The following SOX30 variants were observed in gnomAD, a reference collection of about 807,000 sequenced individuals.
SOX30 encodes transcription factor SOX-30.
In SOX30, 17 loss-of-function variants were observed where a neutral mutation model predicts 58.6. That is an observed-to-expected ratio of 0.29 (90% CI 0.20 to 0.44). SOX30 has a LOEUF of 0.44. Ranked by LOEUF, SOX30 falls within the 20% of genes least tolerant of loss-of-function variation. The probability of loss-of-function intolerance (pLI) is 1.00; values close to 1 mark genes in which losing one functional copy is unlikely to be tolerated. For missense variants in SOX30, 951 were observed against 965.8 expected (o/e 0.98, Z 0.20); for synonymous variants, 421 against 400.2 (o/e 1.05, Z -0.62).
At chr5:157,636,838 AAAGG>A (rs1758939449) in intron 4 of SOX30, among the ~76,000 whole-genome samples, 1 of 152,202 alleles carries the variant, frequency 6.6e-6, no homozygotes, top group Admixed American at 6.5e-5. Context: ...ATTGAAAAGT[AAAGG>A]CTAGGCCGGG....
intron 4 of SOX30, among the ~76,000 whole-genome samples, chr5:157,627,158 T>C (rs1227987914): frequency 6.6e-6 from 1 of 152,172 alleles, no homozygotes; most frequent in East Asian, 1.9e-4. Context: ...GGTCAAGAGA[T>C]AGAGATCATC....
At chr5:157,659,492 A>G (rs1032697410) in intron 2 of SOX30, among the ~76,000 whole-genome samples, 4 of 152,256 alleles carry the variant, frequency 2.6e-5, no homozygotes, top group Non-Finnish European at 5.9e-5. Context: ...TTCTGATTTC[A>G]GTTATCAAAA....
At chr5:157,648,990 T>G in intron 1 of SOX30, 94 bp from the exon 2 acceptor site, 1 of 1,455,408 alleles carries the variant, frequency 6.9e-7, no homozygotes, top group Non-Finnish European at 9.1e-7. Context: ...ATACTTATTT[T>G]TGAAATATCT....
chr5:157,645,134 G>T (rs372322960), intron 3 of SOX30, among the ~76,000 whole-genome samples: 12 of 152,166 alleles, frequency 7.9e-5, no homozygotes, highest in African/African-American at 2.9e-4. Context: ...TATAGGATCA[G>T]CTTTCTGCAT....
chr5:157,663,493 A>G (rs1207182280), intron 2 of SOX30, among the ~76,000 whole-genome samples: 2 of 152,236 alleles, frequency 1.3e-5, no homozygotes. Context: ...CACAGCCAAT[A>G]TCATACTGAA....
chr5:157,638,197 G>T (rs960311442), intron 4 of SOX30, 33 bp downstream of exon 4: 15 of 1,502,642 alleles, frequency 1.0e-5, no homozygotes, highest in Non-Finnish European at 1.3e-5. Flanking sequence ...TTAGCTGAAT[G>T]TTTAGGTAAA....
intron 3 of SOX30, among the ~76,000 whole-genome samples, chr5:157,640,779 A>G (rs1417034694): frequency 6.6e-6 from 1 of 152,082 alleles, no homozygotes; most frequent in African/African-American, 2.4e-5. Flanking sequence ...CCGCCCAGGG[A>G]GATTTTCTGA....
At chr5:157,631,689 CG>C (rs1303901982) in intron 4 of SOX30, among the ~76,000 whole-genome samples, 1 of 149,966 alleles carries the variant, frequency 6.7e-6, no homozygotes, top group Non-Finnish European at 1.5e-5. Context: ...TGCTCGAACC[CG>C]GGAGGCTGAG....
Position 157,667,590 on chromosome 5 carries a change from C to T in SOX30, c.52+208G>A, listed in dbSNP as rs187641567. On this transcript the variant is annotated intron_variant, in intron 2 of 5. Transcript: ENST00000519442. Reference sequence around the variant, plus strand: ...CTCTTCTAAAAATACAAAAATTAGCCGGATGTGGTGGCAGGCCCCTGTAAT... The same window carrying T: ...CTCTTCTAAAAATACAAAAATTAGCTGGATGTGGTGGCAGGCCCCTGTAAT... Among the ~76,000 whole-genome samples the T allele has an allele frequency of 1.3e-3, 193 of 152,174 alleles. 2 individuals carry two copies. The highest frequency in any genetic ancestry group is 4.1e-3 in the African/African-American group (170 of 41,538).
At chr5:157,660,010 G>C (rs1214246568) in intron 2 of SOX30, among the ~76,000 whole-genome samples, 1 of 152,188 alleles carries the variant, frequency 6.6e-6, no homozygotes, top group African/African-American at 2.4e-5. Flanking sequence ...TCTGAAAGTC[G>C]CTGTTTCTAT....
chr5:157,653,278 C>A (rs1759407188), upstream of SOX30, among the ~76,000 whole-genome samples: 1 of 152,158 alleles, frequency 6.6e-6, no homozygotes, highest in African/African-American at 2.4e-5. Context: ...TCTACTTATA[C>A]CTCTATCACT....
chr5:157,643,101 G>GACAACAACA (rs200189852), intron 3 of SOX30, among the ~76,000 whole-genome samples: 55 of 149,932 alleles, frequency 3.7e-4, no homozygotes, highest in South Asian at 2.4e-3. Flanking sequence ...GAAGAAAACG[G>GACAACAACA]ACAACAACAA....
At chr5:157,654,972 C>T (rs1369865208), upstream of SOX30, among the ~76,000 whole-genome samples, 1 of 152,190 alleles carries the variant, frequency 6.6e-6, no homozygotes, top group Non-Finnish European at 1.5e-5. Context: ...TTATTTTATT[C>T]CTTTACTTTC....
intron 2 of SOX30, among the ~76,000 whole-genome samples, chr5:157,657,677 T>C (rs1759501384): frequency 1.3e-5 from 2 of 152,224 alleles, no homozygotes; most frequent in African/African-American, 4.8e-5. Context: ...TTTTGAGCTA[T>C]TTGCAGCTTG....
chr5:157,638,096 G>A (rs1296135959), intron 4 of SOX30, 134 bp downstream of exon 4: 9 of 869,722 alleles, frequency 1.0e-5, no homozygotes, highest in African/African-American at 1.7e-5. Context: ...TATGTTAACT[G>A]CTTGGCTCCT....
At chr5:157,647,713 C>T (rs572882038) in intron 2 of SOX30, among the ~76,000 whole-genome samples, 4 of 152,058 alleles carry the variant, frequency 2.6e-5, no homozygotes, top group Admixed American at 6.5e-5. Context: ...CAACACCATG[C>T]CCAGCTAATT....
At chr5:157,629,137 A>C (rs937441908) in intron 4 of SOX30, among the ~76,000 whole-genome samples, 1 of 152,190 alleles carries the variant, frequency 6.6e-6, no homozygotes, top group Admixed American at 6.5e-5. Context: ...GTGTATTTCA[A>C]AGTAGCTATA....
chr5:157,639,420 T>TA (rs1299604296), intron 3 of SOX30, among the ~76,000 whole-genome samples: 1 of 152,182 alleles, frequency 6.6e-6, no homozygotes, highest in Non-Finnish European at 1.5e-5. Flanking sequence ...GAAAAAAACT[T>TA]AAACAACAAA....
intron 2 of SOX30, among the ~76,000 whole-genome samples, chr5:157,660,508 C>T (rs1759559391): frequency 6.7e-6 from 1 of 148,970 alleles, no homozygotes. Flanking sequence ...AAAAATATAC[C>T]CTTGGCCAAA....
Sources: gnomAD v4.1 joint callset for allele counts (sites outside exome capture counted in the v4.1 genomes callset) on GRCh38, gnomAD v4.1.1 for gene constraint, MANE v1.5 for transcripts, NCBI Gene and HGNC (gene_info 2026-07-23, HGNC 2026-07-21) for gene names.